MAML2: variants seen among roughly 807,000 people sequenced by gnomAD.
MAML2 encodes mastermind like transcriptional coactivator 2.
A neutral mutation model predicts 96.1 loss-of-function variants in MAML2; 22 were observed. That is an observed-to-expected ratio of 0.23 (90% CI 0.16 to 0.33). The LOEUF (loss-of-function observed/expected upper bound fraction) is 0.33, where lower values mean the gene tolerates loss of function less well. MAML2 is among the 10% of genes least tolerant of loss of function. The probability of loss-of-function intolerance (pLI) is 1.00; values close to 1 mark genes in which losing one functional copy is unlikely to be tolerated. For missense variants in MAML2, 1,367 were observed against 1,392.4 expected, an observed-to-expected ratio of 0.98 and a Z score of 0.29; for synonymous variants, 561 against 521.3, an observed-to-expected ratio of 1.08 and a Z score of -1.04.
At chr11:96,037,205 C>CGAA in intron 2 of MAML2, among the ~76,000 whole-genome samples, 1 of 151,096 alleles carries the variant, frequency 6.6e-6, no homozygotes, top group South Asian at 2.1e-4. Context: ...ACAACAACAA[C>CGAA]AAAAAAAATA....
chr11:96,148,474 C>T (rs969699510), intron 1 of MAML2, among the ~76,000 whole-genome samples: 4 of 150,856 alleles, frequency 2.7e-5, no homozygotes, highest in Admixed American at 1.3e-4. Flanking sequence ...AAAAAAAAAG[C>T]CTAGGTGTGG....
intron 1 of MAML2, among the ~76,000 whole-genome samples, chr11:96,258,625 A>G (rs1014876767): frequency 6.6e-6 from 1 of 152,220 alleles, no homozygotes; most frequent in South Asian, 2.1e-4. Context: ...TGGAGTAAAC[A>G]TCAAAGCCCA....
intron 1 of MAML2, among the ~76,000 whole-genome samples, chr11:96,278,113 C>A (rs200469201): frequency 6.6e-6 from 1 of 152,150 alleles, no homozygotes. Context: ...ACCTTGAGAA[C>A]CACTGCCTGG....
At chr11:96,133,252 T>C (rs892488940) in intron 1 of MAML2, among the ~76,000 whole-genome samples, 5 of 152,250 alleles carry the variant, frequency 3.3e-5, no homozygotes, top group African/African-American at 7.2e-5. Context: ...TATATTCCTG[T>C]GTCAGTGTTC....
chr11:96,026,004 G>A (rs960146624), intron 2 of MAML2, among the ~76,000 whole-genome samples: 1 of 152,130 alleles, frequency 6.6e-6, no homozygotes, highest in Non-Finnish European at 1.5e-5. Flanking sequence ...GTACATAGAC[G>A]ATCTCACTGA....
chr11:96,326,638 A>G lies in MAML2; in HGVS notation c.513+14745T>C, dbSNP rs539612841. On this transcript the variant is annotated intron_variant, in intron 1 of 4. Coordinates refer to ENST00000524717, the MANE Select transcript of MAML2 (RefSeq NM_032427.4). ...GGTGAAACCCCGTCTCTACTGAAAA[A>G]ATACAAAAAATTAGCCAGGTATGGT... Among the ~76,000 whole-genome samples the G allele has an allele frequency of 3.2e-4, 49 of 152,116 alleles. No homozygotes were observed. The East Asian group carries it at 9.5e-3, about 29-fold the overall frequency.
At chr11:96,144,186 A>G (rs1002744053) in intron 1 of MAML2, among the ~76,000 whole-genome samples, 4 of 152,232 alleles carry the variant, frequency 2.6e-5, no homozygotes, top group Admixed American at 6.5e-5. Flanking sequence ...TTTACTAACC[A>G]GGTAAAACAA....
At chr11:96,146,563 G>A (rs963779419) in intron 1 of MAML2, among the ~76,000 whole-genome samples, 2 of 152,140 alleles carry the variant, frequency 1.3e-5, no homozygotes, top group African/African-American at 4.8e-5. Context: ...TCAACTGTGT[G>A]AGCTGATCAC....
intron 1 of MAML2, among the ~76,000 whole-genome samples, chr11:96,162,204 A>G (rs947021526): frequency 7.5e-6 from 1 of 134,174 alleles, no homozygotes; most frequent in African/African-American, 2.8e-5. Context: ...TTTTTTCTGC[A>G]ATGAACATAT....
At chr11:96,289,325 C>A (rs502822) in intron 1 of MAML2, among the ~76,000 whole-genome samples, 2,565 of 151,998 alleles carry the variant, frequency 0.017, 32 homozygotes, top group Non-Finnish European at 0.02. Flanking sequence ...TATAATTATC[C>A]GGATTACAAA....
chr11:96,135,292 A>T (rs1482518023), intron 1 of MAML2, among the ~76,000 whole-genome samples: 2 of 152,176 alleles, frequency 1.3e-5, no homozygotes, highest in East Asian at 3.9e-4. Context: ...TGGACTTCCC[A>T]GTCTCCAAAA....
intron 3 of MAML2, among the ~76,000 whole-genome samples, chr11:95,985,957 A>G (rs1247135539): frequency 6.6e-6 from 1 of 152,206 alleles, no homozygotes; most frequent in African/African-American, 2.4e-5. Context: ...TCAAGATGCT[A>G]ATTTCTAATT....
intron 1 of MAML2, among the ~76,000 whole-genome samples, chr11:96,109,928 C>T (rs1860090454): frequency 2.0e-5 from 3 of 151,484 alleles, no homozygotes. Flanking sequence ...TTGCAAGGAA[C>T]AAGAAGAGAA....
intron 1 of MAML2, among the ~76,000 whole-genome samples, chr11:96,162,954 A>G (rs1273405378): frequency 6.6e-6 from 1 of 152,206 alleles, no homozygotes; most frequent in East Asian, 1.9e-4. Flanking sequence ...GATTAGTGTA[A>G]TCCATGATAT....
intron 2 of MAML2, among the ~76,000 whole-genome samples, chr11:96,067,206 T>G (rs945513213): frequency 3.3e-5 from 5 of 152,252 alleles, no homozygotes; most frequent in African/African-American, 1.2e-4. Flanking sequence ...CCTTCAGAAC[T>G]GTTTCTTCTG....
At chr11:96,253,531 T>C (rs1252841572) in intron 1 of MAML2, among the ~76,000 whole-genome samples, 1 of 152,244 alleles carries the variant, frequency 6.6e-6, no homozygotes, top group Non-Finnish European at 1.5e-5. Flanking sequence ...ACTTCTGTAC[T>C]CAAGTGAGTG....
At chr11:96,203,710 G>A (rs1022171353) in intron 1 of MAML2, among the ~76,000 whole-genome samples, 1 of 152,272 alleles carries the variant, frequency 6.6e-6, no homozygotes, top group Non-Finnish European at 1.5e-5. Context: ...CATATATGGT[G>A]TAGAAACGGA....
intron 1 of MAML2, among the ~76,000 whole-genome samples, chr11:96,336,427 G>T (rs1863921905): frequency 6.6e-6 from 1 of 152,162 alleles, no homozygotes; most frequent in Non-Finnish European, 1.5e-5. Flanking sequence ...ATACCATTAG[G>T]CTGTAAGTAA....
chr11:96,310,947 C>A (rs1363182429), intron 1 of MAML2, among the ~76,000 whole-genome samples: 2 of 152,128 alleles, frequency 1.3e-5, no homozygotes, highest in African/African-American at 4.8e-5. Flanking sequence ...ATAAATAGCC[C>A]AAGAAATGTG....
Sources: allele counts gnomAD v4.1 joint callset (sites outside exome capture counted in the v4.1 genomes callset), GRCh38; gene constraint gnomAD v4.1.1; transcripts MANE v1.5; gene names NCBI Gene and HGNC (gene_info 2026-07-23, HGNC 2026-07-21).